The following UNC13C variants were observed in gnomAD, a reference collection of about 807,000 sequenced individuals.
The protein encoded by UNC13C is protein unc-13 homolog C.
In UNC13C, 174 loss-of-function variants were observed where a neutral mutation model predicts 245.4. That is an observed-to-expected ratio of 0.71 (90% CI 0.63 to 0.80). The LOEUF (loss-of-function observed/expected upper bound fraction) is 0.80, where lower values mean the gene tolerates loss of function less well. UNC13C is among the 30% of genes least tolerant of loss of function. The pLI is 0.00. For synonymous variants in UNC13C, 992 were observed against 895.1 expected (o/e 1.11, Z -1.93); for missense variants, 2,829 against 2,602.9 (o/e 1.09, Z -1.89).
chr15:54,626,809 G>GTAT lies in UNC13C; in HGVS notation c.6360-17_6360-15dup. The GTAT allele has an allele frequency of 6.3e-7, 1 of 1,592,608 alleles. No individual in the cohort carries two copies. Among genetic ancestry groups the GTAT allele is most frequent in the Non-Finnish European group, 8.6e-7 (1 of 1,169,564 alleles). The stretch of plus-strand genomic sequence containing the variant: ...GAAGTAAAGTTTTTGCTCAAAATTT[G>GTAT]TATTTTTAATCCACACAGCATTCTC... On this transcript the variant is annotated intron_variant, in intron 32 of 32. Transcript: ENST00000260323.
At chr15:54,140,623 G>T (rs754660216) in intron 2 of UNC13C, among the ~76,000 whole-genome samples, 1 of 152,200 alleles carries the variant, frequency 6.6e-6, no homozygotes, top group African/African-American at 2.4e-5. Context: ...AGCTCCATGA[G>T]GATGGAGAAC....
intron 2 of UNC13C, among the ~76,000 whole-genome samples, chr15:54,030,474 G>T (rs977482796): frequency 6.6e-6 from 1 of 152,166 alleles, no homozygotes; most frequent in Non-Finnish European, 1.5e-5. Context: ...AGACAGTAAG[G>T]TCAATCGGGT....
chr15:54,371,693 C>A (rs906425970), intron 17 of UNC13C, among the ~76,000 whole-genome samples: 1 of 146,088 alleles, frequency 6.8e-6, no homozygotes, highest in Non-Finnish European at 1.5e-5. Flanking sequence ...AATAAAATAC[C>A]CCTTAATAAT....
chr15:54,497,865 G>T (rs1339422185), intron 20 of UNC13C, among the ~76,000 whole-genome samples: 1 of 152,046 alleles, frequency 6.6e-6, no homozygotes, highest in Non-Finnish European at 1.5e-5. Context: ...GAAGGTCTCT[G>T]CCCTAGAAAT....
At chr15:53,840,376 G>A in the UNC13C span, among the ~76,000 whole-genome samples, 2 of 152,006 alleles carry the variant, frequency 1.3e-5, no homozygotes, top group African/African-American at 4.8e-5. Flanking sequence ...GTAATTTACT[G>A]AGCGCTTGCA....
At chr15:54,113,740 T>G (rs112456797) in intron 2 of UNC13C, among the ~76,000 whole-genome samples, 1 of 152,010 alleles carries the variant, frequency 6.6e-6, no homozygotes, top group Non-Finnish European at 1.5e-5. Flanking sequence ...GCAGGAGAAT[T>G]GCTTGAACCT....
chr15:53,903,679 C>T, the UNC13C span, among the ~76,000 whole-genome samples: 65 of 152,088 alleles, frequency 4.3e-4, 1 homozygote, highest in Admixed American at 4.3e-3. Context: ...GTTCTGAAGC[C>T]TGAAAGTAGG....
intron 13 of UNC13C, among the ~76,000 whole-genome samples, chr15:54,316,813 C>A (rs114006991): frequency 1.3e-5 from 2 of 151,918 alleles, no homozygotes; most frequent in Non-Finnish European, 2.9e-5. Flanking sequence ...GGAGGATTGC[C>A]CTGCACCTCC....
chr15:54,186,477 A>G (rs1174392560), intron 4 of UNC13C, among the ~76,000 whole-genome samples: 1 of 152,204 alleles, frequency 6.6e-6, no homozygotes, highest in Non-Finnish European at 1.5e-5. Context: ...ATCAATTGGT[A>G]TATCAAAATA....
At position 54,014,292 on chromosome 15, in the gene UNC13C, C is replaced by A; in HGVS notation, c.1389C>A (p.Asn463Lys). ...DEDLESDLNR[N>K]SYAVLSKSEL... ...ATCTTGAATCTGACCTCAATAGAAA[C>A]AGTTACGCTGTGCTTTCCAAGTCAG... The change falls in exon 2 of 33, where the codon AAC (asparagine) becomes AAA (lysine). Residue 463 changes from asparagine to lysine, a missense_variant. Asn to Lys is a moderately conservative substitution (Grantham distance 94). Transcript: ENST00000260323. 6.2e-7 allele frequency: 1 copy of A among 1,613,886 alleles called. No homozygotes were observed. The highest frequency in any genetic ancestry group is 8.5e-7 in the Non-Finnish European group (1 of 1,179,838).
chr15:54,522,490 A>AAACAACAAC (rs372205345), intron 24 of UNC13C, among the ~76,000 whole-genome samples: 1 of 151,814 alleles, frequency 6.6e-6, no homozygotes, highest in African/African-American at 2.4e-5. Context: ...AAACAAAACA[A>AAACAACAAC]AACAACAACA....
intron 2 of UNC13C, among the ~76,000 whole-genome samples, chr15:54,098,166 C>T (rs1035512804): frequency 5.3e-5 from 8 of 151,890 alleles, no homozygotes; most frequent in Admixed American, 4.6e-4. Flanking sequence ...CCCTCTATAG[C>T]GTTTTTATTT....
chr15:54,607,748 G>A (rs575113176), intron 30 of UNC13C, among the ~76,000 whole-genome samples: 34 of 152,194 alleles, frequency 2.2e-4, no homozygotes, highest in African/African-American at 7.5e-4. Context: ...AGAGACAAAG[G>A]GAAGGGGGAG....
At chr15:54,589,982 G>C (rs907584215) in intron 30 of UNC13C, among the ~76,000 whole-genome samples, 2 of 152,148 alleles carry the variant, frequency 1.3e-5, no homozygotes, top group African/African-American at 2.4e-5. Flanking sequence ...GAGAGATGAG[G>C]ATCCAGTTTC....
chr15:54,033,841 A>T (rs939164412), intron 2 of UNC13C, among the ~76,000 whole-genome samples: 1 of 152,186 alleles, frequency 6.6e-6, no homozygotes, highest in East Asian at 1.9e-4. Flanking sequence ...AGCATAGGAG[A>T]TCTGTATGTC....
chr15:54,505,719 T>C (rs72738425), intron 22 of UNC13C, among the ~76,000 whole-genome samples: 8,556 of 151,118 alleles, frequency 0.057, 355 homozygotes, highest in East Asian at 0.14. Context: ...GCAACTCTTA[T>C]AGGCACACAG....
At chr15:53,914,629 C>G in the UNC13C span, 1 of 152,180 alleles carries the variant, frequency 6.6e-6, no homozygotes, top group Non-Finnish European at 1.5e-5. Context: ...AGCAGACAGC[C>G]GAGACACAGG....
intron 4 of UNC13C, among the ~76,000 whole-genome samples, chr15:54,218,763 G>T (rs916988995): frequency 4.6e-5 from 7 of 151,944 alleles, no homozygotes; most frequent in Non-Finnish European, 7.4e-5. Flanking sequence ...AGGTCAGAAT[G>T]CAAGAAGTGG....
At chr15:54,285,424 A>T (rs1387953616) in intron 10 of UNC13C, among the ~76,000 whole-genome samples, 1 of 152,226 alleles carries the variant, frequency 6.6e-6, no homozygotes, top group African/African-American at 2.4e-5. Context: ...AACAAGTGAG[A>T]TACCGATATT....
Sources: gnomAD v4.1 joint callset for allele counts (sites outside exome capture counted in the v4.1 genomes callset) on GRCh38, gnomAD v4.1.1 for gene constraint, MANE v1.5 for transcripts, NCBI Gene and HGNC (gene_info 2026-07-23, HGNC 2026-07-21) for gene names.